Variants in USP15 observed in about 807,000 individuals in gnomAD.
The protein encoded by USP15 is ubiquitin carboxyl-terminal hydrolase 15.
In USP15, 18 loss-of-function variants were observed where a neutral mutation model predicts 127.1. That is an observed-to-expected ratio of 0.14 (90% confidence interval 0.10 to 0.21). USP15 has a LOEUF of 0.21. Among genes scored for constraint, USP15 ranks in the 10% least tolerant of loss-of-function variants. USP15 has a pLI of 1.00. For synonymous variants in USP15, 364 were observed against 393.7 expected (o/e 0.92, Z 0.89); for missense variants, 805 against 1,159.9 (o/e 0.69, Z 4.44).
At chr12:62,323,600 A>G (rs995174951) in intron 5 of USP15, among the ~76,000 whole-genome samples, 4 of 152,152 alleles carry the variant, frequency 2.6e-5, no homozygotes, top group African/African-American at 7.2e-5. Context: ...TGATTAGCCA[A>G]CACCGCCCTT....
rs992756229 is a variant in USP15, at chr12:62,413,854, G to A, written c.*9479G>A. On this transcript the variant is annotated 3_prime_UTR_variant, in exon 22 of 22. Transcript: ENST00000280377. ...TTTGGCTCAAGAGGCCTAGCTTTCA[G>A]CTTGCCTTGGCTTTCAACATGCTTT... 1 of 152,210 alleles carries A rather than the reference G, an allele frequency of 6.6e-6. No homozygotes were observed. The highest frequency in any genetic ancestry group is 1.5e-5 in the Non-Finnish European group (1 of 68,046). 9.4% of individuals were successfully genotyped at this position (152,210 alleles called of 1,614,324 possible).
Position 62,396,350 on chromosome 12 carries a change from A to G in USP15, c.2626A>G (p.Asn876Asp). 6.2e-7 allele frequency: 1 copy of G among 1,609,028 alleles called. No homozygotes were observed. The highest frequency in any genetic ancestry group is 8.5e-7 in the Non-Finnish European group (1 of 1,177,958). ...TCCAAATGCAGGTCCTTGCCGCTAT[A>G]ATCTGATTGCTGTTTCCAACCACTA... ...INPNAGPCRY[N>D]LIAVSNHYGG... The change falls in exon 20 of 22, where the codon AAT becomes GAT. Residue 876 changes from asparagine (N) to aspartate (D), a missense_variant. Asn to Asp is a conservative substitution (Grantham distance 23). Transcript: ENST00000280377.
intron 6 of USP15, among the ~76,000 whole-genome samples, chr12:62,341,546 C>T (rs1240053835): frequency 6.6e-6 from 1 of 152,110 alleles, no homozygotes; most frequent in Non-Finnish European, 1.5e-5. Context: ...TTAGTGCTTC[C>T]TTCAGGAATT....
intron 6 of USP15, among the ~76,000 whole-genome samples, chr12:62,343,756 A>T (rs902859461): frequency 1.3e-5 from 2 of 152,112 alleles, no homozygotes; most frequent in Admixed American, 6.5e-5. Context: ...AATGAGATGG[A>T]TACCTCAGTT....
At chr12:62,369,731 G>T (rs2066599550) in intron 8 of USP15, among the ~76,000 whole-genome samples, 1 of 152,088 alleles carries the variant, frequency 6.6e-6, no homozygotes, top group Non-Finnish European at 1.5e-5. Context: ...TACTTTGCCA[G>T]GAGAAGACTT....
In USP15 at chr12:62,283,124, C is replaced by T. The variant is rs573791881; in HGVS notation, c.90-11055C>T. Among the ~76,000 whole-genome samples the T allele has an allele frequency of 3.9e-5, 6 of 152,286 alleles. No homozygotes were observed. The South Asian group carries it at 1.2e-3, about 32-fold the overall frequency. On this transcript the variant is annotated intron_variant, in intron 1 of 21. Coordinates refer to ENST00000280377, the MANE Select transcript of USP15 (RefSeq NM_001252078.2). ...CCCTCCCAAATGATACTATACTCCC[C>T]AGTAGTTTTTCATACAAGTAAATCA...
At chr12:62,403,383 C>G (rs1188557046) in intron 21 of USP15, among the ~76,000 whole-genome samples, 1 of 151,904 alleles carries the variant, frequency 6.6e-6, no homozygotes, top group Non-Finnish European at 1.5e-5. Flanking sequence ...AGTGTTGTCA[C>G]AGAAGCAAAA....
rs1032670168 is a variant in USP15 at position 62,414,518 on chromosome 12, G to T, written c.*10143G>T. The T allele has an allele frequency of 6.6e-5, 10 of 152,116 alleles. No individual in the cohort carries two copies. The highest frequency in any genetic ancestry group is 2.4e-4 in the African/African-American group (10 of 41,402). 9.4% of individuals were successfully genotyped at this position (152,116 alleles called of 1,614,324 possible). A position where few individuals can be genotyped will look rare whatever the true frequency, so the allele number is the denominator to read the frequency against. On this transcript the variant is annotated 3_prime_UTR_variant, in exon 22 of 22. Coordinates refer to ENST00000280377, the MANE Select transcript of USP15 (RefSeq NM_001252078.2). ...ACCACACCACACCTGGCTAATTTTT[G>T]TAGAGACCAGGTTTCACCATGTTAC...
At chr12:62,402,350 C>G (rs752510066) in intron 21 of USP15, among the ~76,000 whole-genome samples, 1 of 151,702 alleles carries the variant, frequency 6.6e-6, no homozygotes, top group Non-Finnish European at 1.5e-5. Flanking sequence ...ATTTATAAAC[C>G]AAAGAAGATA....
chr12:62,399,157 A>G (rs1208147433), intron 20 of USP15, among the ~76,000 whole-genome samples: 1 of 152,232 alleles, frequency 6.6e-6, no homozygotes, highest in East Asian at 1.9e-4. Flanking sequence ...GTTGAGATCA[A>G]CAAACTCACA....
intron 1 of USP15, among the ~76,000 whole-genome samples, chr12:62,270,771 T>A (rs1339164113): frequency 6.6e-6 from 1 of 152,094 alleles, no homozygotes; most frequent in Non-Finnish European, 1.5e-5. Flanking sequence ...AACTGTGTCC[T>A]CCAACAACTT....
chr12:62,387,212 A>G (rs184212793), intron 11 of USP15, among the ~76,000 whole-genome samples: 130 of 152,298 alleles, frequency 8.5e-4, no homozygotes, highest in Admixed American at 3.1e-3. Flanking sequence ...CTTTAGCTAT[A>G]AATTGGACAA....
chr12:62,396,994 T>A (rs1180003426), intron 20 of USP15, among the ~76,000 whole-genome samples: 2 of 152,178 alleles, frequency 1.3e-5, no homozygotes, highest in Non-Finnish European at 2.9e-5. Flanking sequence ...TGAGTTTAAG[T>A]GAGTAAGTGT....
intron 6 of USP15, among the ~76,000 whole-genome samples, chr12:62,347,953 G>T (rs1352538780): frequency 6.6e-6 from 1 of 152,158 alleles, no homozygotes; most frequent in Non-Finnish European, 1.5e-5. Flanking sequence ...TGTAGTCCCA[G>T]TGCTTTGGGA....
At chr12:62,351,651 A>C (rs775722978) in intron 7 of USP15, among the ~76,000 whole-genome samples, 1 of 152,018 alleles carries the variant, frequency 6.6e-6, no homozygotes, top group Non-Finnish European at 1.5e-5. Flanking sequence ...CTATTGAGAG[A>C]AATTAGAGTC....
chr12:62,290,974 A>G (rs2063948178), intron 1 of USP15, among the ~76,000 whole-genome samples: 1 of 152,124 alleles, frequency 6.6e-6, no homozygotes, highest in Non-Finnish European at 1.5e-5. Context: ...GTCATCTGCC[A>G]GGAAGTCTGC....
chr12:62,312,559 G>A (rs756927278), intron 3 of USP15, among the ~76,000 whole-genome samples: 6 of 151,438 alleles, frequency 4.0e-5, no homozygotes, highest in Admixed American at 6.6e-5. Context: ...TTCCATTTTG[G>A]ACAAGGAGCC....
Position 62,260,476 on chromosome 12 carries a change from A to G in USP15, c.62A>G (p.Lys21Arg), listed in dbSNP as rs1353784566. 1 of 1,551,780 alleles carries G rather than the reference A, an allele frequency of 6.4e-7. No individual in the cohort carries two copies. Reference protein sequence around the residue: ...TQRSDIATLLKTSLRKGDTWY... With the variant: ...TQRSDIATLLRTSLRKGDTWY... The stretch of plus-strand genomic sequence containing the variant: ...CGGTCTGACATCGCGACGCTGCTCA[A>G]AACCTCGCTCCGGAAAGGGGACACC... The change falls in exon 1 of 22, where the codon AAA becomes AGA. Residue 21 changes from lysine (K) to arginine (R), a missense_variant. Lys to Arg is a conservative substitution (Grantham distance 26). Around this residue, in one of 11 missense-constraint regions of USP15, gnomAD observed 45 missense variants for 37.8 expected, o/e 1.19. Transcript: ENST00000280377.
rs1190894061 is a variant in USP15 at position 62,404,943 on chromosome 12, A to G, written c.*568A>G. ...TTAAAAAACCAAATCATGATACAAG[A>G]AACAACCTTGGAAAAGTTATTTCCC... On this transcript the variant is annotated 3_prime_UTR_variant, in exon 22 of 22. Transcript: ENST00000280377. 2 of 152,108 alleles carry G rather than the reference A, an allele frequency of 1.3e-5. No individual in the cohort carries two copies. The highest frequency in any genetic ancestry group is 2.4e-5 in the African/African-American group (1 of 41,454). 9.4% of individuals were successfully genotyped at this position (152,108 alleles called of 1,614,324 possible).
Sources: gnomAD v4.1 joint callset for allele counts (sites outside exome capture counted in the v4.1 genomes callset) on GRCh38, gnomAD v4.1.1 for gene constraint, gnomAD v4.1.1 regional missense constraint, MANE v1.5 for transcripts, NCBI Gene and HGNC (gene_info 2026-07-23, HGNC 2026-07-21) for gene names.